Variants in DCPH1 observed in about 807,000 individuals in gnomAD.
DCPH1 encodes the protein damage-control phosphatase 1.
the DCPH1 span, among the ~76,000 whole-genome samples, chr6:151,467,264 C>A: frequency 6.5e-4 from 95 of 146,144 alleles, no homozygotes; most frequent in South Asian, 1.5e-3. Context: ...AAAAAAAAAA[C>A]AAAACCCTAT....
At chr6:151,460,484 A>G in the DCPH1 span, among the ~76,000 whole-genome samples, 1 of 151,706 alleles carries the variant, frequency 6.6e-6, no homozygotes, top group Non-Finnish European at 1.5e-5. Flanking sequence ...AGCAAAATAC[A>G]CTATTAAAAC....
At chr6:151,452,760 G>A in the DCPH1 span, 2 of 616,468 alleles carry the variant, frequency 3.2e-6, no homozygotes, top group Non-Finnish European at 5.4e-6. Flanking sequence ...GAGGCGAAGG[G>A]AGGCGGCCCC....
the DCPH1 span, among the ~76,000 whole-genome samples, chr6:151,465,593 C>T: frequency 6.6e-6 from 1 of 152,022 alleles, no homozygotes; most frequent in Non-Finnish European, 1.5e-5. Flanking sequence ...TAAATTTTTA[C>T]TAAAAGTGAA....
At chr6:151,468,289 G>GT in the DCPH1 span, 2 of 1,283,016 alleles carry the variant, frequency 1.6e-6, no homozygotes, top group African/African-American at 3.0e-5. Context: ...ACATAATGGA[G>GT]TTTTGTTGGC....
chr6:151,468,847 G>GT, the DCPH1 span: 3 of 1,614,024 alleles, frequency 1.9e-6, no homozygotes, highest in African/African-American at 4.0e-5. Context: ...CTTATATGCT[G>GT]AACTACAGAA....
chr6:151,465,254 A>G, the DCPH1 span, among the ~76,000 whole-genome samples: 1 of 152,232 alleles, frequency 6.6e-6, no homozygotes, highest in Non-Finnish European at 1.5e-5. Flanking sequence ...ACACATTATT[A>G]GAATCAGAAC....
At chr6:151,453,713 A>G in the DCPH1 span, among the ~76,000 whole-genome samples, 4 of 152,238 alleles carry the variant, frequency 2.6e-5, no homozygotes, top group South Asian at 2.1e-4. Context: ...TGTGCTCTAT[A>G]TTTAAAACTG....
At chr6:151,458,285 GAC>G in the DCPH1 span, 4,385 of 1,441,404 alleles carry the variant, frequency 3.0e-3, no homozygotes, top group South Asian at 6.3e-3. Context: ...GAATTGCACA[GAC>G]ACACACACAC....
At chr6:151,467,285 A>G in the DCPH1 span, among the ~76,000 whole-genome samples, 1 of 141,158 alleles carries the variant, frequency 7.1e-6, no homozygotes, top group African/African-American at 2.6e-5. Flanking sequence ...TGGTTGGAAC[A>G]TGCATTCTCC....
chr6:151,456,812 G>C, the DCPH1 span, among the ~76,000 whole-genome samples: 2 of 152,184 alleles, frequency 1.3e-5, no homozygotes, highest in African/African-American at 4.8e-5. Flanking sequence ...CACTGTGCCT[G>C]GCCCCATAAT....
At chr6:151,463,989 T>C in the DCPH1 span, among the ~76,000 whole-genome samples, 1 of 152,238 alleles carries the variant, frequency 6.6e-6, no homozygotes, top group South Asian at 2.1e-4. Context: ...TCTTAAGTAC[T>C]CATTGTATTT....
chr6:151,455,394 G>C, the DCPH1 span, among the ~76,000 whole-genome samples: 1 of 152,220 alleles, frequency 6.6e-6, no homozygotes, highest in Admixed American at 6.5e-5. Flanking sequence ...TTGATCATTC[G>C]TGGGTGTTTC....
At chr6:151,454,594 ACT>A in the DCPH1 span, 4 of 1,581,522 alleles carry the variant, frequency 2.5e-6, no homozygotes, top group Non-Finnish European at 3.5e-6. Context: ...ACAGATCTTA[ACT>A]AAGGTTATTG....
At chr6:151,464,336 T>C in the DCPH1 span, 1 of 587,618 alleles carries the variant, frequency 1.7e-6, no homozygotes, top group Non-Finnish European at 2.9e-6. Context: ...ATAAATGTTA[T>C]ATCTAGTTTC....
the DCPH1 span, among the ~76,000 whole-genome samples, chr6:151,459,157 C>T: frequency 6.6e-6 from 1 of 151,822 alleles, no homozygotes; most frequent in Non-Finnish European, 1.5e-5. Context: ...ATAAATAAAG[C>T]GTGAATTAAT....
At chr6:151,455,884 G>GGCCTTCC in the DCPH1 span, among the ~76,000 whole-genome samples, 43 of 152,412 alleles carry the variant, frequency 2.8e-4, no homozygotes, top group African/African-American at 1.0e-3. Flanking sequence ...GCGGCCTTCC[G>GGCCTTCC]GCCTTCCGCA....
the DCPH1 span, chr6:151,452,878 C>T: frequency 3.1e-6 from 1 of 327,608 alleles, no homozygotes; most frequent in Non-Finnish European, 5.5e-6. Context: ...AATAGACGCG[C>T]TTTGGGGGCG....
At chr6:151,454,749 A>G in the DCPH1 span, 2 of 612,146 alleles carry the variant, frequency 3.3e-6, no homozygotes, top group Non-Finnish European at 5.8e-6. Context: ...AAATGTAAAA[A>G]TCAATAGATG....
the DCPH1 span, among the ~76,000 whole-genome samples, chr6:151,454,284 T>C: frequency 5.9e-5 from 9 of 152,144 alleles, no homozygotes; most frequent in South Asian, 2.1e-4. Flanking sequence ...ATAAAAGCAA[T>C]AGAATAGGAA....
Sources: allele counts gnomAD v4.1 joint callset (sites outside exome capture counted in the v4.1 genomes callset), GRCh38; gene constraint gnomAD v4.1.1; transcripts MANE v1.5; gene names NCBI Gene and HGNC (gene_info 2026-07-23, HGNC 2026-07-21).